The following DNAH9 variants were observed in gnomAD, a reference collection of about 807,000 sequenced individuals.
The protein encoded by DNAH9 is DNAH9 variant protein.
Under a neutral mutation model 471.6 loss-of-function variants are expected in DNAH9, and 345 were observed. The observed-to-expected ratio is 0.73, with a 90% CI of 0.67 to 0.80. DNAH9 has a LOEUF of 0.80. Among genes scored for constraint, DNAH9 ranks in the 30% least tolerant of loss-of-function variants. The pLI is 0.00. For missense variants in DNAH9, 5,407 were observed against 5,609.2 expected (o/e 0.96, Z 1.15); for synonymous variants, 2,093 against 2,123.6 (o/e 0.99, Z 0.40).
At chr17:11,704,963 T>A in intron 25 of DNAH9, 62 bp from the exon 26 acceptor site, 4 of 1,429,940 alleles carry the variant, frequency 2.8e-6, no homozygotes, top group Non-Finnish European at 2.9e-6. Flanking sequence ...CTATGTGTCT[T>A]GTGGCCAAGG....
rs141331045 is a variant in DNAH9 at position 11,705,749 on chromosome 17, T to G, written c.5552+564T>G. Among the ~76,000 whole-genome samples, 5 of 152,260 alleles carry G rather than the reference T, an allele frequency of 3.3e-5. No individual in the cohort carries two copies. The East Asian group carries it at 9.6e-4, about 29-fold the overall frequency. ...GAGAACTTCAGTTATTCCCAATACA[T>G]AAAAATGATAAATACTCAAGATGAT... On this transcript the variant is annotated intron_variant, in intron 26 of 68. Coordinates refer to ENST00000262442, the MANE Select transcript of DNAH9 (RefSeq NM_001372.4).
intron 49 of DNAH9, among the ~76,000 whole-genome samples, chr17:11,838,105 T>C (rs1448226452): frequency 1.3e-5 from 2 of 150,670 alleles, no homozygotes; most frequent in African/African-American, 5.0e-5. Flanking sequence ...TTAATTTAAC[T>C]AAAAGTTTGA....
rs140721719 is a variant in DNAH9 at position 11,699,878 on chromosome 17, G to T, written c.5020G>T (p.Gly1674Trp). 1 of 1,614,092 alleles carries T rather than the reference G, an allele frequency of 6.2e-7. No homozygotes were observed. The highest frequency in any genetic ancestry group is 8.5e-7 in the Non-Finnish European group (1 of 1,179,980). ...TTTCAGTGAGCCCTGTGACTGCAGC[G>T]GGCAGGTAACACAGTAGCCCTTTCC... ...VAFSEPCDCSGQVEIWLNHVL... is the reference protein window; with the variant it reads ...VAFSEPCDCSWQVEIWLNHVL... The change falls in exon 23 of 69, where the codon GGG (glycine) becomes TGG (tryptophan). Residue 1674 changes from glycine to tryptophan, a missense_variant. Physicochemically the swap from Gly to Trp is radical, Grantham distance 184. Coordinates refer to ENST00000262442, the MANE Select transcript of DNAH9 (RefSeq NM_001372.4).
chr17:11,869,790 C>T (rs1487753321), intron 51 of DNAH9, among the ~76,000 whole-genome samples: 2 of 152,120 alleles, frequency 1.3e-5, no homozygotes, highest in Non-Finnish European at 2.9e-5. Flanking sequence ...TTTGTTTCTG[C>T]ATAAAAAAAT....
At chr17:11,603,860 G>A (rs1255321027) in intron 1 of DNAH9, among the ~76,000 whole-genome samples, 1 of 152,102 alleles carries the variant, frequency 6.6e-6, no homozygotes, top group African/African-American at 2.4e-5. Context: ...GAACGGCCCT[G>A]AATCAGTCCT....
At chr17:11,955,352 T>C (rs1360343621) in intron 67 of DNAH9, among the ~76,000 whole-genome samples, 2 of 152,096 alleles carry the variant, frequency 1.3e-5, no homozygotes, top group African/African-American at 4.8e-5. Context: ...AAAAAAAAGT[T>C]TGTCAATTCT....
At chr17:11,614,816 T>C (rs1028565058) in intron 4 of DNAH9, among the ~76,000 whole-genome samples, 1 of 152,220 alleles carries the variant, frequency 6.6e-6, no homozygotes, top group Non-Finnish European at 1.5e-5. Flanking sequence ...GCCTCTTTGA[T>C]GAGGGCCTTA....
At chr17:11,742,461 C>A in intron 30 of DNAH9, 148 bp downstream of exon 30, 1 of 709,664 alleles carries the variant, frequency 1.4e-6, no homozygotes, top group Non-Finnish European at 2.2e-6. Context: ...CCTCTGAACA[C>A]TTCCATATTA....
chr17:11,761,523 C>A (rs111997523), intron 35 of DNAH9, among the ~76,000 whole-genome samples: 4 of 152,366 alleles, frequency 2.6e-5, no homozygotes, highest in Non-Finnish European at 4.4e-5. Context: ...CGCTCCCACA[C>A]AAACCCCATC....
intron 41 of DNAH9, among the ~76,000 whole-genome samples, chr17:11,786,760 G>A (rs945162165): frequency 6.6e-6 from 1 of 152,162 alleles, no homozygotes. Context: ...TGTGGTAGTG[G>A]TCACTGATGC....
chr17:11,738,471 C>T (rs908015368), intron 28 of DNAH9, among the ~76,000 whole-genome samples: 3 of 152,166 alleles, frequency 2.0e-5, no homozygotes, highest in Non-Finnish European at 4.4e-5. Context: ...ACCTCCACCT[C>T]CCTGATTCAA....
At chr17:11,642,833 T>TCTAC (rs1402621122) in intron 10 of DNAH9, among the ~76,000 whole-genome samples, 1 of 152,156 alleles carries the variant, frequency 6.6e-6, no homozygotes, top group Non-Finnish European at 1.5e-5. Context: ...TGGAGCATAT[T>TCTAC]CTACCTCTCC....
At chr17:11,852,907 A>T (rs1425297632) in intron 49 of DNAH9, among the ~76,000 whole-genome samples, 7 of 146,082 alleles carry the variant, frequency 4.8e-5, no homozygotes, top group African/African-American at 1.2e-4. Context: ...ATATATATAT[A>T]TAAAAGAAAG....
chr17:11,838,557 C>T (rs533356027), intron 49 of DNAH9, among the ~76,000 whole-genome samples: 5 of 152,132 alleles, frequency 3.3e-5, no homozygotes, highest in East Asian at 3.9e-4. Flanking sequence ...CAGGAAGGAA[C>T]GACCTCTGTG....
At chr17:11,637,944 A>G (rs933179016) in intron 9 of DNAH9, among the ~76,000 whole-genome samples, 9 of 152,124 alleles carry the variant, frequency 5.9e-5, no homozygotes, top group African/African-American at 1.9e-4. Context: ...ATCAACAGTA[A>G]AGCAGAGGAG....
At chr17:11,704,953 C>T (rs2074673860) in intron 25 of DNAH9, 72 bp from the exon 26 acceptor site, 1 of 1,287,458 alleles carries the variant, frequency 7.8e-7, no homozygotes, top group African/African-American at 1.5e-5. Context: ...CATCAGACCC[C>T]TATGTGTCTT....
chr17:11,893,919 G>A (rs1444122684), intron 58 of DNAH9, among the ~76,000 whole-genome samples: 2 of 152,126 alleles, frequency 1.3e-5, no homozygotes, highest in Admixed American at 6.5e-5. Context: ...AGTCAAATTA[G>A]TTTCTTCTTG....
chr17:11,905,899 A>G, intron 61 of DNAH9, 90 bp downstream of exon 61: 1 of 1,430,650 alleles, frequency 7.0e-7, no homozygotes, highest in East Asian at 2.4e-5. Flanking sequence ...TCTGGATTCA[A>G]GCTTCAAATA....
At chr17:11,695,372 C>T (rs1225527933) in intron 22 of DNAH9, among the ~76,000 whole-genome samples, 1 of 152,032 alleles carries the variant, frequency 6.6e-6, no homozygotes, top group African/African-American at 2.4e-5. Flanking sequence ...TGGCCAAACT[C>T]GATAGCTAAA....
Sources: allele counts gnomAD v4.1 joint callset (sites outside exome capture counted in the v4.1 genomes callset), GRCh38; gene constraint gnomAD v4.1.1; transcripts MANE v1.5; gene names NCBI Gene and HGNC (gene_info 2026-07-23, HGNC 2026-07-21).